FRMD3: variants seen among roughly 807,000 people sequenced by gnomAD.
FRMD3 encodes the protein FERM domain containing 3.
Under a neutral mutation model 70.2 loss-of-function variants are expected in FRMD3, and 33 were observed. That is an observed-to-expected ratio of 0.47 (90% confidence interval 0.36 to 0.63). The LOEUF is 0.63. Ranked by LOEUF, FRMD3 falls within the 20% of genes least tolerant of loss-of-function variation. The probability of loss-of-function intolerance (pLI) is 0.00; values close to 1 mark genes in which losing one functional copy is unlikely to be tolerated. For missense variants in FRMD3, 632 were observed against 711.4 expected (o/e 0.89, Z 1.27); for synonymous variants, 279 against 255.9 (o/e 1.09, Z -0.86).
At chr9:83,276,835 G>A (rs1475476312) in intron 13 of FRMD3, among the ~76,000 whole-genome samples, 1 of 152,128 alleles carries the variant, frequency 6.6e-6, no homozygotes, top group Non-Finnish European at 1.5e-5. Context: ...TCAGCCTCCC[G>A]AGTAGCTGGG....
At chr9:83,425,089 C>T (rs992053834) in intron 1 of FRMD3, among the ~76,000 whole-genome samples, 1 of 152,202 alleles carries the variant, frequency 6.6e-6, no homozygotes, top group Non-Finnish European at 1.5e-5. Flanking sequence ...ATGGCTCACC[C>T]ATCTGTCCAT....
chr9:83,349,618 G>T, intron 4 of FRMD3, 61 bp downstream of exon 4: 2 of 1,256,536 alleles, frequency 1.6e-6, no homozygotes, highest in South Asian at 1.3e-5. Context: ...TAGCCTGCAA[G>T]ACCAAAGAGA....
intron 3 of FRMD3, among the ~76,000 whole-genome samples, chr9:83,361,095 T>G (rs1305428689): frequency 6.6e-6 from 1 of 152,218 alleles, no homozygotes; most frequent in Admixed American, 6.5e-5. Flanking sequence ...AAATCATAGC[T>G]GCTCTTCTTG....
intron 6 of FRMD3, among the ~76,000 whole-genome samples, chr9:83,329,128 G>T (rs1166396967): frequency 6.6e-6 from 1 of 152,018 alleles, no homozygotes; most frequent in African/African-American, 2.4e-5. Context: ...TCCCTCCCTA[G>T]AAATGTCCTT....
At chr9:83,322,958 C>T (rs965970372) in intron 6 of FRMD3, among the ~76,000 whole-genome samples, 1 of 152,196 alleles carries the variant, frequency 6.6e-6, no homozygotes, top group African/African-American at 2.4e-5. Flanking sequence ...TCTATGCTAT[C>T]AGTAAATGCA....
At chr9:83,556,301 C>T in the FRMD3 span, among the ~76,000 whole-genome samples, 1 of 152,192 alleles carries the variant, frequency 6.6e-6, no homozygotes, top group African/African-American at 2.4e-5. Flanking sequence ...CTGAATTCAG[C>T]AAATATTGTT....
At chr9:83,343,766 C>T (rs947914062) in intron 4 of FRMD3, among the ~76,000 whole-genome samples, 8 of 152,214 alleles carry the variant, frequency 5.3e-5, no homozygotes, top group East Asian at 1.9e-4. Flanking sequence ...CTCAGACAGA[C>T]GCAGTCATTA....
At chr9:83,243,905 G>A (rs923186440), downstream of FRMD3, among the ~76,000 whole-genome samples, 4 of 152,110 alleles carry the variant, frequency 2.6e-5, no homozygotes, top group Non-Finnish European at 5.9e-5. Flanking sequence ...CTGGGCAGAG[G>A]GGAGGATAGA....
chr9:83,491,753 T>C (rs1431753341), intron 1 of FRMD3, among the ~76,000 whole-genome samples: 1 of 152,228 alleles, frequency 6.6e-6, no homozygotes, highest in East Asian at 1.9e-4. Flanking sequence ...GGGATTATGT[T>C]ACACTCAGTC....
At chr9:83,524,271 A>G (rs917939284) in intron 1 of FRMD3, among the ~76,000 whole-genome samples, 4 of 152,226 alleles carry the variant, frequency 2.6e-5, no homozygotes, top group African/African-American at 9.6e-5. Flanking sequence ...AGCTAATTTG[A>G]AATTTCAAAC....
At chr9:83,540,565 A>G (rs1432510073), upstream of FRMD3, among the ~76,000 whole-genome samples, 1 of 152,244 alleles carries the variant, frequency 6.6e-6, no homozygotes, top group East Asian at 1.9e-4. Flanking sequence ...TTGGCATGAC[A>G]GCTAGGTAAA....
chr9:83,476,634 G>A (rs147380805), intron 1 of FRMD3, among the ~76,000 whole-genome samples: 1,830 of 152,240 alleles, frequency 0.012, 22 homozygotes, highest in Non-Finnish European at 0.018. Flanking sequence ...GAATGGCTGA[G>A]GCCACCATGG....
chr9:83,450,370 T>TTTTTTA (rs60674885), intron 1 of FRMD3, among the ~76,000 whole-genome samples: 7 of 120,806 alleles, frequency 5.8e-5, no homozygotes, highest in South Asian at 5.1e-4. Context: ...TTTTTTTTTT[T>TTTTTTA]ATTATACTCT....
chr9:83,367,422 T>G (rs1824824877), intron 3 of FRMD3, among the ~76,000 whole-genome samples: 1 of 152,182 alleles, frequency 6.6e-6, no homozygotes, highest in Admixed American at 6.5e-5. Flanking sequence ...CTATAAAACC[T>G]GGCAGAATAC....
chr9:83,408,827 C>T (rs375784200), intron 1 of FRMD3, among the ~76,000 whole-genome samples: 15 of 152,112 alleles, frequency 9.9e-5, no homozygotes, highest in African/African-American at 3.4e-4. Flanking sequence ...TGCAGAAACA[C>T]GTGAACTGGA....
intron 1 of FRMD3, among the ~76,000 whole-genome samples, chr9:83,471,383 C>T (rs553584236): frequency 6.6e-6 from 1 of 152,330 alleles, no homozygotes; most frequent in Non-Finnish European, 1.5e-5. Flanking sequence ...TTTCTCATAT[C>T]AATATCTAGC....
chr9:83,308,168 G>A (rs967933279), intron 10 of FRMD3, among the ~76,000 whole-genome samples: 5 of 152,138 alleles, frequency 3.3e-5, no homozygotes, highest in African/African-American at 4.8e-5. Flanking sequence ...ACATGGGGAT[G>A]TCAGTGCTAA....
rs563620907 is a variant in FRMD3, at chr9:83,537,623, C to G, written c.147+462G>C. On this transcript the variant is annotated intron_variant, in intron 1 of 13. Transcript: ENST00000304195. The surrounding 1 kb of genome is among the most constrained non-coding windows in gnomAD (Gnocchi z 4.1). ...CAGGTTCCGGGACTGAGGGCGTCTC[C>G]GGAGCCTGGGCGCGGGAGACAGAAA... Among the ~76,000 whole-genome samples the G allele has an allele frequency of 6.6e-6, 1 of 152,332 alleles. No individual in the cohort carries two copies. Among genetic ancestry groups the G allele is most frequent in the Non-Finnish European group, 1.5e-5 (1 of 68,024 alleles).
chr9:83,389,550 A>C, intron 2 of FRMD3, 54 bp downstream of exon 2: 1 of 1,158,552 alleles, frequency 8.6e-7, no homozygotes, highest in Non-Finnish European at 1.3e-6. Context: ...CCCACAGTGC[A>C]CCACAGTCTG....
Sources: allele counts gnomAD v4.1 joint callset (sites outside exome capture counted in the v4.1 genomes callset), GRCh38; gene constraint gnomAD v4.1.1; non-coding constraint Gnocchi (gnomAD v3.1); transcripts MANE v1.5; gene names NCBI Gene and HGNC (gene_info 2026-07-23, HGNC 2026-07-21).